The following RPS6KA2 variants were observed in gnomAD, a reference collection of about 807,000 sequenced individuals.
RPS6KA2 encodes ribosomal protein S6 kinase alpha-2.
A neutral mutation model predicts 91.8 loss-of-function variants in RPS6KA2; 42 were observed. The ratio of observed to expected loss-of-function variants is 0.46; its 90% confidence interval spans 0.36 to 0.59. The LOEUF is 0.59. RPS6KA2 is among the 20% of genes least tolerant of loss of function. RPS6KA2 has a pLI of 0.00. For synonymous variants in RPS6KA2, 414 were observed against 393.6 expected (o/e 1.05, Z -0.61); for missense variants, 798 against 978.5 (o/e 0.82, Z 2.46).
At chr6:166,637,166 C>T (rs1787272146) in intron 2 of RPS6KA2, among the ~76,000 whole-genome samples, 1 of 152,208 alleles carries the variant, frequency 6.6e-6, no homozygotes, top group African/African-American at 2.4e-5. Flanking sequence ...GTCTGGCTTC[C>T]ACTGGGACCA....
At chr6:166,553,042 C>T (rs9366027) in intron 1 of RPS6KA2, among the ~76,000 whole-genome samples, 15,111 of 152,280 alleles carry the variant, frequency 0.099, 835 homozygotes, top group South Asian at 0.15. Flanking sequence ...TATAATATTG[C>T]TGAATGTAAA....
rs1215553448 is a variant in RPS6KA2 at position 166,419,469 on chromosome 6, G to A, written c.1820+413C>T. On this transcript the variant is annotated intron_variant, in intron 18 of 20. Transcript: ENST00000265678. The surrounding 1 kb of genome is among the most constrained non-coding windows in gnomAD (Gnocchi z 5.6). ...GTGTCTTACCACAATGAACCGGCCC[G>A]TGCATGACTCATGACCACGAAACCC... Among the ~76,000 whole-genome samples the A allele has an allele frequency of 3.9e-5, 6 of 152,204 alleles. No individual in the cohort carries two copies. Among genetic ancestry groups the A allele is most frequent in the South Asian group, 4.1e-4 (2 of 4,834 alleles).
At chr6:166,641,390 T>G (rs1350107085) in intron 2 of RPS6KA2, among the ~76,000 whole-genome samples, 1 of 151,958 alleles carries the variant, frequency 6.6e-6, no homozygotes, top group African/African-American at 2.4e-5. Flanking sequence ...TAAAAATAAG[T>G]AAAACTTTAA....
chr6:166,739,507 A>G (rs569724692), intron 2 of RPS6KA2, among the ~76,000 whole-genome samples: 25 of 152,378 alleles, frequency 1.6e-4, no homozygotes, highest in Admixed American at 1.1e-3. Context: ...GTGAGCTCAC[A>G]GAGCAGGCTG....
intron 1 of RPS6KA2, among the ~76,000 whole-genome samples, chr6:166,860,363 C>T (rs1781017089): frequency 6.6e-6 from 1 of 152,212 alleles, no homozygotes; most frequent in Non-Finnish European, 1.5e-5. Context: ...ACCATCTGCC[C>T]TCTCCTGGGG....
intron 13 of RPS6KA2, among the ~76,000 whole-genome samples, chr6:166,449,625 G>A (rs976916069): frequency 6.6e-6 from 1 of 152,118 alleles, no homozygotes; most frequent in Non-Finnish European, 1.5e-5. Context: ...GGTCCTGGCT[G>A]GGCTCCACAC....
Position 166,829,512 on chromosome 6 carries a change from A to AC in RPS6KA2, c.123+28687dup, listed in dbSNP as rs1260749557. Among the ~76,000 whole-genome samples, 79 of 147,308 alleles carry AC rather than the reference A, an allele frequency of 5.4e-4. 1 individual carries two copies. In the East Asian group the frequency reaches 0.014, roughly 26 times the overall value. On this transcript the variant is annotated intron_variant, in intron 2 of 21. Transcript: ENST00000503859. ...AGGCTAAGGAAGGAGAATGGCGTGA[A>AC]CCTGGAGGCGGAGCTTGCAGTGAGC...
intron 2 of RPS6KA2, among the ~76,000 whole-genome samples, chr6:166,838,979 G>A (rs998294198): frequency 6.6e-6 from 1 of 152,204 alleles, no homozygotes; most frequent in Non-Finnish European, 1.5e-5. Flanking sequence ...GGAAAGGGCC[G>A]TGAGCAAAGG....
chr6:166,853,117 A>G (rs946080874), intron 2 of RPS6KA2, among the ~76,000 whole-genome samples: 1 of 152,202 alleles, frequency 6.6e-6, no homozygotes, highest in African/African-American at 2.4e-5. Flanking sequence ...ATCAATAAAC[A>G]TAACCCTGAA....
At chr6:166,572,867 C>T (rs979293092) in intron 1 of RPS6KA2, among the ~76,000 whole-genome samples, 7 of 152,366 alleles carry the variant, frequency 4.6e-5, no homozygotes, top group African/African-American at 1.7e-4. Context: ...TGAATCTGCA[C>T]GTTCGGGTCT....
chr6:166,805,651 G>A (rs1198213690), intron 2 of RPS6KA2, among the ~76,000 whole-genome samples: 3 of 152,158 alleles, frequency 2.0e-5, no homozygotes, highest in Non-Finnish European at 4.4e-5. Context: ...AGCAAATCCT[G>A]AGGAAGGAGA....
chr6:166,463,425 G>T (rs542620526), intron 11 of RPS6KA2: 1 of 152,314 alleles, frequency 6.6e-6, no homozygotes, highest in African/African-American at 2.4e-5. Context: ...AGAAAATGCA[G>T]TCTCATGATC....
At chr6:166,660,811 G>A (rs2128557520) in intron 2 of RPS6KA2, among the ~76,000 whole-genome samples, 1 of 152,170 alleles carries the variant, frequency 6.6e-6, no homozygotes, top group South Asian at 2.1e-4. Flanking sequence ...GGGTGGCATG[G>A]TTTGACTACT....
chr6:166,667,990 G>A (rs566897208), intron 2 of RPS6KA2, among the ~76,000 whole-genome samples: 1 of 152,280 alleles, frequency 6.6e-6, no homozygotes, highest in Middle Eastern at 3.4e-3. Context: ...CGCACACAGC[G>A]GGAGCTCATG....
intron 6 of RPS6KA2, among the ~76,000 whole-genome samples, chr6:166,502,000 A>C (rs946329209): frequency 5.3e-5 from 8 of 152,250 alleles, no homozygotes; most frequent in Non-Finnish European, 1.0e-4. Context: ...CAAATATAAA[A>C]TGTATGGTCC....
intron 11 of RPS6KA2, among the ~76,000 whole-genome samples, chr6:166,462,631 G>A (rs1780360674): frequency 6.6e-6 from 1 of 152,224 alleles, no homozygotes; most frequent in Non-Finnish European, 1.5e-5. Context: ...CTAGCCCGGT[G>A]CTGCGAGTCA....
chr6:166,572,200 T>C (rs548073194), intron 1 of RPS6KA2, among the ~76,000 whole-genome samples: 13 of 152,240 alleles, frequency 8.5e-5, no homozygotes, highest in African/African-American at 3.1e-4. Context: ...ATCTGAGTGG[T>C]GGGATTGATT....
chr6:166,622,931 C>G (rs1318286445), intron 1 of RPS6KA2, among the ~76,000 whole-genome samples: 1 of 152,004 alleles, frequency 6.6e-6, no homozygotes, highest in Non-Finnish European at 1.5e-5. Context: ...TTTTTATGTC[C>G]CAGTTGCTTA....
At chr6:166,522,567 T>C (rs1033858682) in intron 3 of RPS6KA2, among the ~76,000 whole-genome samples, 1 of 152,218 alleles carries the variant, frequency 6.6e-6, no homozygotes, top group Non-Finnish European at 1.5e-5. Context: ...TTACCAGCAC[T>C]GGAGAGTGCG....
Sources: allele counts gnomAD v4.1 joint callset (sites outside exome capture counted in the v4.1 genomes callset), GRCh38; gene constraint gnomAD v4.1.1; non-coding constraint Gnocchi (gnomAD v3.1); transcripts MANE v1.5; gene names NCBI Gene and HGNC (gene_info 2026-07-23, HGNC 2026-07-21).